Variants in KCNIP1 observed in about 807,000 individuals in gnomAD.
KCNIP1 encodes potassium voltage-gated channel interacting protein 1.
In KCNIP1, 18 loss-of-function variants were observed where a neutral mutation model predicts 33.0. The observed-to-expected ratio is 0.55, with a 90% CI of 0.38 to 0.81. The LOEUF (loss-of-function observed/expected upper bound fraction) is 0.81, where lower values mean the gene tolerates loss of function less well. Ranked by LOEUF, KCNIP1 falls within the 30% of genes least tolerant of loss-of-function variation. The pLI, the probability that KCNIP1 is intolerant of heterozygous loss-of-function variation, is 0.00. For missense variants in KCNIP1, 238 were observed against 271.6 expected, an observed-to-expected ratio of 0.88 and a Z score of 0.87; for synonymous variants, 93 against 98.3, an observed-to-expected ratio of 0.95 and a Z score of 0.32.
At position 170,575,747 on chromosome 5, in the gene KCNIP1, C is replaced by T. The variant is rs868851371; in HGVS notation, c.61+71114C>T. On this transcript the variant is annotated intron_variant, in intron 1 of 7. Coordinates refer to ENST00000328939, the MANE Select transcript of KCNIP1 (RefSeq NM_014592.4). ...ACAAAGGGAGCACAGTTGTTCTCAACGGGCCTTTAGAAGCAAAATTCTGGC... is the reference window on the plus strand; with the variant it reads ...ACAAAGGGAGCACAGTTGTTCTCAATGGGCCTTTAGAAGCAAAATTCTGGC... Among the ~76,000 whole-genome samples the T allele has an allele frequency of 5.3e-5, 8 of 152,194 alleles. No individual in the cohort carries two copies. In the East Asian group the frequency reaches 5.8e-4, roughly 11 times the overall value.
intron 1 of KCNIP1, among the ~76,000 whole-genome samples, chr5:170,444,919 T>C (rs566629083): frequency 2.4e-4 from 36 of 152,218 alleles, no homozygotes; most frequent in Non-Finnish European, 4.6e-4. Context: ...AGAGGGAGAA[T>C]TGAGTTGGGG....
intron 1 of KCNIP1, among the ~76,000 whole-genome samples, chr5:170,445,817 T>C (rs1197484170): frequency 6.6e-6 from 1 of 152,210 alleles, no homozygotes; most frequent in Admixed American, 6.5e-5. Flanking sequence ...CTACCGAGGT[T>C]AAAGAAGGTG....
In KCNIP1 at chr5:170,733,901, A is replaced by G; in HGVS notation, c.603+3A>G. The stretch of plus-strand genomic sequence containing the variant: ...AATTTCTTGAATCATGTCAGGAGGT[A>G]AGGAGAGATCTCAGGGCACAATAAC... On this transcript the variant is annotated splice_donor_region_variant and intron_variant, in intron 7 of 7. Coordinates refer to ENST00000328939, the MANE Select transcript of KCNIP1 (RefSeq NM_014592.4). The G allele has an allele frequency of 6.2e-7, 1 of 1,612,328 alleles. No homozygotes were observed. The highest frequency in any genetic ancestry group is 8.5e-7 in the Non-Finnish European group (1 of 1,178,420).
chr5:170,535,289 C>T (rs776124183), intron 1 of KCNIP1, among the ~76,000 whole-genome samples: 1 of 152,178 alleles, frequency 6.6e-6, no homozygotes, highest in Non-Finnish European at 1.5e-5. Context: ...GACTTAATGA[C>T]AGTGGAACCA....
chr5:170,390,327 G>C (rs529994857), intron 1 of KCNIP1, among the ~76,000 whole-genome samples: 1 of 151,300 alleles, frequency 6.6e-6, no homozygotes, highest in South Asian at 2.1e-4. Flanking sequence ...GCAACATGGC[G>C]AAACCCCATC....
At chr5:170,507,230 G>T (rs1233056471) in intron 1 of KCNIP1, among the ~76,000 whole-genome samples, 1 of 152,184 alleles carries the variant, frequency 6.6e-6, no homozygotes, top group Non-Finnish European at 1.5e-5. Flanking sequence ...TCCCTGCTGG[G>T]TTCAAATTCA....
At chr5:170,538,548 C>G (rs968513456) in intron 1 of KCNIP1, among the ~76,000 whole-genome samples, 1 of 151,940 alleles carries the variant, frequency 6.6e-6, no homozygotes, top group Non-Finnish European at 1.5e-5. Flanking sequence ...TCCACACACA[C>G]AGTTGTTCCT....
In KCNIP1 at chr5:170,512,297, G is replaced by A. The variant is rs188291992; in HGVS notation, c.61+7664G>A. 2.9e-3 allele frequency among the ~76,000 whole-genome samples: 442 copies of A among 152,292 alleles called. 1 individual carries two copies. Among genetic ancestry groups the A allele is most frequent in the South Asian group, 0.024 (114 of 4,822 alleles). On this transcript the variant is annotated intron_variant, in intron 1 of 7. Coordinates refer to ENST00000328939, the MANE Select transcript of KCNIP1 (RefSeq NM_014592.4). The stretch of plus-strand genomic sequence containing the variant: ...CAGAGTTTTCACACGGTCCAGGTGG[G>A]CAAGGAGATCAGTCGGTTTACAAGT...
At position 170,539,890 on chromosome 5, in the gene KCNIP1, C is replaced by G. The variant is rs143569295; in HGVS notation, c.61+35257C>G. Among the ~76,000 whole-genome samples the G allele has an allele frequency of 5.4e-3, 822 of 152,284 alleles. 7 individuals carry two copies. Among genetic ancestry groups the G allele is most frequent in the African/African-American group, 0.019 (776 of 41,538 alleles). On this transcript the variant is annotated intron_variant, in intron 1 of 7. Coordinates refer to ENST00000328939, the MANE Select transcript of KCNIP1 (RefSeq NM_014592.4). ...AAATGTGTCTTCTAAGCCCAGCTCT[C>G]TGTGTTCTCAAGGTCGCAAATATTA...
At chr5:170,563,347 T>C (rs1757099061) in intron 1 of KCNIP1, among the ~76,000 whole-genome samples, 2 of 152,190 alleles carry the variant, frequency 1.3e-5, no homozygotes, top group African/African-American at 4.8e-5. Flanking sequence ...CAGTGGCTGC[T>C]ATTGATGGAA....
In KCNIP1 at chr5:170,392,435, A is replaced by G. The variant is rs185167874; in HGVS notation, c.88+38471A>G. Among the ~76,000 whole-genome samples the G allele has an allele frequency of 5.8e-3, 883 of 152,290 alleles. 8 individuals are homozygous for G. Among genetic ancestry groups the G allele is most frequent in the Middle Eastern group, 0.037 (11 of 294 alleles). ...CACTTGCAAGTGATTTCAAAGGGGG[A>G]CTGTTACAGTTGCTGGTGATAGTGG... On this transcript the variant is annotated intron_variant, in intron 1 of 7. Transcript: ENST00000377360.
At chr5:170,545,068 A>G (rs35362509) in intron 1 of KCNIP1, among the ~76,000 whole-genome samples, 31,256 of 152,092 alleles carry the variant, frequency 0.21, 4,394 homozygotes, top group African/African-American at 0.4. Flanking sequence ...GTGTGATGGC[A>G]CTAAATTTTT....
At chr5:170,459,099 G>A (rs777128533) in intron 1 of KCNIP1, among the ~76,000 whole-genome samples, 20 of 151,988 alleles carry the variant, frequency 1.3e-4, no homozygotes, top group Non-Finnish European at 2.5e-4. Context: ...GACAAAGAGG[G>A]ACATTATATA....
intron 1 of KCNIP1, among the ~76,000 whole-genome samples, chr5:170,523,784 C>G (rs549285260): frequency 6.6e-6 from 1 of 152,284 alleles, no homozygotes; most frequent in African/African-American, 2.4e-5. Flanking sequence ...TCCTCCAGCC[C>G]ATTGCACTCC....
intron 1 of KCNIP1, among the ~76,000 whole-genome samples, chr5:170,456,697 C>A (rs138428166): frequency 2.1e-5 from 1 of 47,320 alleles, no homozygotes; most frequent in Non-Finnish European, 3.7e-5. Flanking sequence ...CTCTCTCTCT[C>A]TCTTTTTCTT....
intron 1 of KCNIP1, among the ~76,000 whole-genome samples, chr5:170,419,359 A>T (rs1342810916): frequency 6.6e-6 from 1 of 152,148 alleles, no homozygotes; most frequent in Non-Finnish European, 1.5e-5. Context: ...TCAAGTAAAC[A>T]CCAAATATTC....
intron 1 of KCNIP1, among the ~76,000 whole-genome samples, chr5:170,534,529 A>C (rs1300652359): frequency 6.6e-6 from 1 of 151,704 alleles, no homozygotes; most frequent in East Asian, 1.9e-4. Flanking sequence ...AAGGAGAAGG[A>C]GGTGGCAGAG....
At chr5:170,564,591 A>C (rs1338609011) in intron 1 of KCNIP1, among the ~76,000 whole-genome samples, 1 of 152,088 alleles carries the variant, frequency 6.6e-6, no homozygotes, top group Non-Finnish European at 1.5e-5. Flanking sequence ...GTGGCCCGTG[A>C]TCTATATTTT....
At chr5:170,426,392 A>G (rs575597880) in intron 1 of KCNIP1, among the ~76,000 whole-genome samples, 2 of 152,272 alleles carry the variant, frequency 1.3e-5, no homozygotes, top group East Asian at 1.9e-4. Context: ...TTCCAGCTCA[A>G]TTTGGAAGCC....
Sources: allele counts gnomAD v4.1 joint callset (sites outside exome capture counted in the v4.1 genomes callset), GRCh38; gene constraint gnomAD v4.1.1; transcripts MANE v1.5; gene names NCBI Gene and HGNC (gene_info 2026-07-23, HGNC 2026-07-21).